CCDC81: variants seen among roughly 807,000 people sequenced by gnomAD.
The protein encoded by CCDC81 is coiled-coil domain containing 81, also known as coiled-coil domain-containing protein 81.
CCDC81 carries 79 observed loss-of-function variants against 83.7 expected under a neutral mutation model. The ratio of observed to expected loss-of-function variants is 0.94; its 90% CI spans 0.79 to 1.14. CCDC81 has a LOEUF of 1.14. Ranked by LOEUF, CCDC81 falls within the 50% of genes most tolerant of loss-of-function variation. The pLI is 0.00. For missense variants in CCDC81, 791 were observed against 778.1 expected (o/e 1.02, Z -0.20); for synonymous variants, 252 against 278.1 (o/e 0.91, Z 0.93).
intron 7 of CCDC81, among the ~76,000 whole-genome samples, chr11:86,404,772 C>A (rs977458874): frequency 6.6e-6 from 1 of 152,116 alleles, no homozygotes; most frequent in African/African-American, 2.4e-5. Flanking sequence ...CGAGCATTTG[C>A]ATTTTGGAAT....
chr11:86,383,304 C>T (rs1429084798), intron 1 of CCDC81, among the ~76,000 whole-genome samples: 1 of 152,200 alleles, frequency 6.6e-6, no homozygotes, highest in East Asian at 1.9e-4. Flanking sequence ...TTCTGCTATA[C>T]TATTCCATAT....
At chr11:86,397,845 C>A in intron 6 of CCDC81, 103 bp downstream of exon 6, 2 of 1,313,618 alleles carry the variant, frequency 1.5e-6, no homozygotes, top group South Asian at 1.7e-5. Context: ...CAAATAATCA[C>A]TATATTATTA....
rs1948771282 is a variant in CCDC81, at chr11:86,420,134, G to A, written c.1817+81G>A. 5 of 1,507,608 alleles carry A rather than the reference G, an allele frequency of 3.3e-6. No individual in the cohort carries two copies. In the Admixed American group the frequency reaches 6.2e-5, roughly 19 times the overall value. The allele number at this position is 1,507,608 out of a possible 1,614,324, so 93.4% of individuals were successfully genotyped here. On this transcript the variant is annotated intron_variant, in intron 14 of 14. Coordinates refer to ENST00000445632, the MANE Select transcript of CCDC81 (RefSeq NM_001156474.2). ...TTTCAAGTGGAACTCCACTTGATTA[G>A]CAGTGGCTGCCTAGAGAACCTTGTG...
intron 1 of CCDC81, among the ~76,000 whole-genome samples, chr11:86,383,731 T>C (rs1258522847): frequency 1.3e-5 from 2 of 152,236 alleles, no homozygotes; most frequent in African/African-American, 2.4e-5. Flanking sequence ...TCTCTGACTC[T>C]TTGGGATGTC....
In CCDC81 at chr11:86,387,501, G is replaced by C. The variant is rs528561748; in HGVS notation, c.142-15G>C. On this transcript the variant is annotated splice_polypyrimidine_tract_variant and intron_variant, in intron 2 of 14. Coordinates refer to ENST00000445632, the MANE Select transcript of CCDC81 (RefSeq NM_001156474.2). ...CCTTCAATGAATTCTGTTTTGTTTTGTTTTTTCCTTTCAGGGGGTTCAGAT... is the reference window on the plus strand; with the variant it reads ...CCTTCAATGAATTCTGTTTTGTTTTCTTTTTTCCTTTCAGGGGGTTCAGAT... The C allele has an allele frequency of 1.2e-6, 2 of 1,611,770 alleles. No individual in the cohort carries two copies. The highest frequency in any genetic ancestry group is 2.2e-5 in the East Asian group (1 of 44,844).
At chr11:86,385,292 G>A (rs1948226869) in intron 1 of CCDC81, among the ~76,000 whole-genome samples, 1 of 152,150 alleles carries the variant, frequency 6.6e-6, no homozygotes, top group Non-Finnish European at 1.5e-5. Flanking sequence ...GGCTGAGGCA[G>A]GAGACTCGTT....
chr11:86,393,015 T>C (rs547638094), intron 4 of CCDC81, among the ~76,000 whole-genome samples: 1 of 152,310 alleles, frequency 6.6e-6, no homozygotes, highest in East Asian at 1.9e-4. Flanking sequence ...GGGATATAAA[T>C]AGTAACGGAA....
intron 7 of CCDC81, among the ~76,000 whole-genome samples, chr11:86,402,746 T>C (rs1948510635): frequency 6.6e-6 from 1 of 152,194 alleles, no homozygotes; most frequent in Non-Finnish European, 1.5e-5. Flanking sequence ...AGTGCTATAT[T>C]TTCTACAGCT....
Position 86,422,895 on chromosome 11 carries a change from A to G in CCDC81, c.*180A>G, listed in dbSNP as rs11234648. On this transcript the variant is annotated 3_prime_UTR_variant, in exon 15 of 15. Transcript: ENST00000445632. ...CACTCCTGCTTTCCTCCCACCCCCA[A>G]TTATTTCCTATACTAGTTTCTGATG... 0.057 allele frequency: 34,871 copies of G among 614,508 alleles called. 1,890 individuals carry two copies. Among genetic ancestry groups the G allele is most frequent in the African/African-American group, 0.21 (11,526 of 54,088 alleles). 38.1% of individuals were successfully genotyped at this position (614,508 alleles called of 1,614,324 possible).
chr11:86,415,077 T>G lies in CCDC81; in HGVS notation c.1471-16T>G. ...TGGTAGAATGATAACCTGCATTATG[T>G]GTATCTCTGTTTAAGATAAAGAACA... On this transcript the variant is annotated splice_polypyrimidine_tract_variant and intron_variant, in intron 12 of 14. Transcript: ENST00000445632. 2 of 1,612,000 alleles carry G rather than the reference T, an allele frequency of 1.2e-6. No homozygotes were observed. Among genetic ancestry groups the G allele is most frequent in the Non-Finnish European group, 1.7e-6 (2 of 1,178,094 alleles).
chr11:86,400,553 C>T (rs7947537), intron 6 of CCDC81, 125 bp from the exon 7 acceptor site: 338,136 of 958,648 alleles, frequency 0.35, 61,444 homozygotes, highest in Middle Eastern at 0.41. Flanking sequence ...CACAATAGAA[C>T]AAGGGGTGAT....
intron 14 of CCDC81, 45 bp downstream of exon 14, chr11:86,420,098 A>G: frequency 6.3e-7 from 1 of 1,594,072 alleles, no homozygotes; most frequent in South Asian, 1.1e-5. Context: ...TCCTTGTGGG[A>G]CAGCAACAGG....
rs145742739 is a variant in CCDC81, at chr11:86,403,107, G to A, written c.881+2306G>A. 2.5e-4 allele frequency among the ~76,000 whole-genome samples: 37 copies of A among 149,966 alleles called. 1 individual carries two copies. Among genetic ancestry groups the A allele is most frequent in the Admixed American group, 1.3e-3 (20 of 14,920 alleles). On this transcript the variant is annotated intron_variant, in intron 7 of 14. Coordinates refer to ENST00000445632, the MANE Select transcript of CCDC81 (RefSeq NM_001156474.2). ...GGCCTCAAGCAATCCTCCCACTTCG[G>A]TCTCTCAAAGTGCTGGGATTACAGG...
intron 1 of CCDC81, among the ~76,000 whole-genome samples, chr11:86,381,363 A>C (rs865812298): frequency 6.6e-6 from 1 of 152,090 alleles, no homozygotes; most frequent in African/African-American, 2.4e-5. Context: ...TCTTCCTCCC[A>C]CCTGAAGCAC....
intron 7 of CCDC81, among the ~76,000 whole-genome samples, chr11:86,406,154 A>G (rs963206937): frequency 6.6e-6 from 1 of 152,068 alleles, no homozygotes; most frequent in Non-Finnish European, 1.5e-5. Context: ...CAGTACACTT[A>G]TTCTTTGTAT....
intron 4 of CCDC81, among the ~76,000 whole-genome samples, chr11:86,394,485 C>T (rs1421751093): frequency 6.6e-6 from 1 of 152,188 alleles, no homozygotes; most frequent in Non-Finnish European, 1.5e-5. Context: ...GTAGGTTAAT[C>T]CAATATCTCA....
Position 86,392,553 on chromosome 11 carries a change from T to C in CCDC81, c.311T>C (p.Ile104Thr). ...TTTTCTCCTTTAGGTGAAATCCCAA[T>C]TGTTCCACTTAATTTTGTCATGATA... ...NKVYTPGEIP[I>T]VPLNFVMISL... is the part of the protein sequence containing the mutation. The change falls in exon 4 of 15, where the codon ATT (isoleucine) becomes ACT (threonine). Residue 104 changes from isoleucine to threonine, a missense_variant. Ile to Thr is a moderately conservative substitution (Grantham distance 89). Transcript: ENST00000445632. 3 of 1,551,194 alleles carry C rather than the reference T, an allele frequency of 1.9e-6. No individual in the cohort carries two copies. The highest frequency in any genetic ancestry group is 2.6e-6 in the Non-Finnish European group (3 of 1,146,690).
At position 86,395,287 on chromosome 11, in the gene CCDC81, C is replaced by T. The variant is rs141376644; in HGVS notation, c.556-47C>T. On this transcript the variant is annotated intron_variant, in intron 4 of 14. Transcript: ENST00000445632. ...CCTGCAGTTTTTAATTTGTCTGAGT[C>T]CTGGACCTCAGCCTAGATGTAACCT... The T allele has an allele frequency of 1.9e-3, 2,913 of 1,496,094 alleles. 7 individuals are homozygous for T. The highest frequency in any genetic ancestry group is 2.8e-3 in the Admixed American group (160 of 57,708). The allele number at this position is 1,496,094 out of a possible 1,614,324, so 92.7% of individuals were successfully genotyped here.
intron 11 of CCDC81, among the ~76,000 whole-genome samples, chr11:86,413,981 T>C (rs892425099): frequency 2.0e-5 from 3 of 152,210 alleles, no homozygotes; most frequent in African/African-American, 4.8e-5. Context: ...GTTTCTGTGA[T>C]GAAAAAAATC....
Sources: gnomAD v4.1 joint callset for allele counts (sites outside exome capture counted in the v4.1 genomes callset) on GRCh38, gnomAD v4.1.1 for gene constraint, MANE v1.5 for transcripts, NCBI Gene and HGNC (gene_info 2026-07-23, HGNC 2026-07-21) for gene names.